DLGAP2: variants seen among roughly 807,000 people sequenced by gnomAD.
DLGAP2 encodes DLG associated protein 2, also known as disks large-associated protein 2.
DLGAP2 carries 26 observed loss-of-function variants against 100.3 expected under a neutral mutation model. The ratio of observed to expected loss-of-function variants is 0.26; its 90% confidence interval spans 0.19 to 0.36. The LOEUF (loss-of-function observed/expected upper bound fraction) is 0.36, where lower values mean the gene tolerates loss of function less well. Ranked by LOEUF, DLGAP2 falls within the 10% of genes least tolerant of loss-of-function variation. The probability of loss-of-function intolerance (pLI) is 1.00; values close to 1 mark genes in which losing one functional copy is unlikely to be tolerated. For missense variants in DLGAP2, 1,858 were observed against 1,453.2 expected, an observed-to-expected ratio of 1.28 and a Z score of -4.53; for synonymous variants, 886 against 630.1, an observed-to-expected ratio of 1.41 and a Z score of -6.08.
chr8:1,503,509 C>G (rs895567583), intron 4 of DLGAP2, among the ~76,000 whole-genome samples: 1 of 152,128 alleles, frequency 6.6e-6, no homozygotes, highest in African/African-American at 2.4e-5. Context: ...ACACTGGTTT[C>G]CATTCCTCCG....
chr8:1,649,410 G>C (rs12675163), intron 8 of DLGAP2, among the ~76,000 whole-genome samples: 80,122 of 151,948 alleles, frequency 0.53, 21,333 homozygotes, highest in South Asian at 0.65. Flanking sequence ...TGGTGTTGGG[G>C]TAAACAGAAT....
At chr8:966,870 T>G (rs1297245329) in intron 2 of DLGAP2, among the ~76,000 whole-genome samples, 2 of 152,248 alleles carry the variant, frequency 1.3e-5, no homozygotes, top group Admixed American at 1.3e-4. Context: ...AAAATATACT[T>G]CTTTTTCTCA....
intron 2 of DLGAP2, among the ~76,000 whole-genome samples, chr8:1,195,191 T>C (rs1260008161): frequency 1.3e-5 from 2 of 152,168 alleles, no homozygotes. Context: ...GTCAGGAAGG[T>C]GCCCCATGGT....
intron 2 of DLGAP2, among the ~76,000 whole-genome samples, chr8:949,827 C>G (rs2129007467): frequency 6.6e-6 from 1 of 152,290 alleles, no homozygotes; most frequent in East Asian, 1.9e-4. Flanking sequence ...CCAGAGAACA[C>G]AGGCACCCAC....
chr8:1,496,333 T>C (rs4876067), intron 3 of DLGAP2, among the ~76,000 whole-genome samples: 114,684 of 151,682 alleles, frequency 0.76, 43,726 homozygotes, highest in African/African-American at 0.84. Flanking sequence ...TGCATGGGGG[T>C]CGGAACCTGC....
At chr8:1,595,031 G>C (rs1045657379) in intron 6 of DLGAP2, among the ~76,000 whole-genome samples, 1 of 151,756 alleles carries the variant, frequency 6.6e-6, no homozygotes, top group Non-Finnish European at 1.5e-5. Flanking sequence ...AGCTCCTGGG[G>C]TTTCTTTTTT....
At chr8:957,435 C>T (rs1338224854) in intron 2 of DLGAP2, among the ~76,000 whole-genome samples, 2 of 152,224 alleles carry the variant, frequency 1.3e-5, no homozygotes, top group Non-Finnish European at 2.9e-5. Flanking sequence ...GCGTATTTTT[C>T]ACCCGTGACT....
intron 2 of DLGAP2, among the ~76,000 whole-genome samples, chr8:1,207,367 A>G (rs572877340): frequency 1.3e-5 from 2 of 152,294 alleles, no homozygotes; most frequent in East Asian, 1.9e-4. Flanking sequence ...ACTTTGAATA[A>G]TGGTCTCCAA....
At chr8:1,229,718 C>T (rs1390005892) in intron 2 of DLGAP2, among the ~76,000 whole-genome samples, 20 of 152,148 alleles carry the variant, frequency 1.3e-4, no homozygotes, top group Admixed American at 1.3e-3. Context: ...GTTCAGTGCA[C>T]ACAAATCAAT....
intron 1 of DLGAP2, among the ~76,000 whole-genome samples, chr8:755,729 C>T (rs917807960): frequency 1.2e-4 from 18 of 152,034 alleles, no homozygotes; most frequent in African/African-American, 4.1e-4. Flanking sequence ...TGGAGAGGGG[C>T]CCCATGTGTG....
chr8:923,392 T>C (rs1563097060), intron 2 of DLGAP2, among the ~76,000 whole-genome samples: 2 of 152,194 alleles, frequency 1.3e-5, no homozygotes, highest in Admixed American at 6.5e-5. Context: ...CCTTGATGGA[T>C]TGTGATGCCC....
chr8:1,276,870 G>C (rs1799708433), intron 3 of DLGAP2, among the ~76,000 whole-genome samples: 1 of 152,164 alleles, frequency 6.6e-6, no homozygotes, highest in Non-Finnish European at 1.5e-5. Flanking sequence ...ATAAAATTAA[G>C]TTTTCATGTT....
chr8:1,416,759 C>T (rs1168043451), intron 3 of DLGAP2, among the ~76,000 whole-genome samples: 1 of 152,194 alleles, frequency 6.6e-6, no homozygotes, highest in African/African-American at 2.4e-5. Flanking sequence ...GTGTTGGCTG[C>T]TTAAGAGGAG....
At chr8:912,811 C>T (rs1315705209) in intron 2 of DLGAP2, among the ~76,000 whole-genome samples, 1 of 145,562 alleles carries the variant, frequency 6.9e-6, no homozygotes, top group Non-Finnish European at 1.5e-5. Context: ...AGCCGGCTTC[C>T]CACACCACAG....
intron 2 of DLGAP2, among the ~76,000 whole-genome samples, chr8:1,005,150 A>G (rs1446108256): frequency 1.3e-5 from 2 of 152,140 alleles, no homozygotes; most frequent in Non-Finnish European, 2.9e-5. Flanking sequence ...ATCTATGTGG[A>G]GTTCCTGGCC....
intron 3 of DLGAP2, among the ~76,000 whole-genome samples, chr8:1,361,928 C>A (rs762700695): frequency 1.3e-5 from 2 of 152,206 alleles, no homozygotes; most frequent in Non-Finnish European, 2.9e-5. Flanking sequence ...CCCAGCCTGG[C>A]AGGTCTCCTG....
At chr8:1,571,337 G>A (rs1190601202) in intron 6 of DLGAP2, among the ~76,000 whole-genome samples, 1 of 141,882 alleles carries the variant, frequency 7.0e-6, no homozygotes. Flanking sequence ...AGGAGAGAGG[G>A]TGAACTGTGG....
In DLGAP2 at chr8:1,321,292, C is replaced by T. The variant is rs560777644; in HGVS notation, c.106+62409C>T. ...TGCGTGTGCGTGCATCTGTGTGTCT[C>T]TGTGTGCATCTGTGTGTCTCTGCGT... is the stretch of plus-strand genomic sequence containing the variant. On this transcript the variant is annotated intron_variant, in intron 3 of 14. Transcript: ENST00000637795. Among the ~76,000 whole-genome samples, 79 of 151,558 alleles carry T rather than the reference C, an allele frequency of 5.2e-4. No individual in the cohort carries two copies. The South Asian group carries it at 8.4e-3, about 16-fold the overall frequency.
At chr8:1,628,527 G>C (rs1199339407) in intron 7 of DLGAP2, among the ~76,000 whole-genome samples, 3 of 149,040 alleles carry the variant, frequency 2.0e-5, no homozygotes, top group African/African-American at 7.5e-5. Flanking sequence ...AGCCTGAGCT[G>C]ACCTCACATT....
Sources: gnomAD v4.1 joint callset for allele counts (sites outside exome capture counted in the v4.1 genomes callset) on GRCh38, gnomAD v4.1.1 for gene constraint, MANE v1.5 for transcripts, NCBI Gene and HGNC (gene_info 2026-07-23, HGNC 2026-07-21) for gene names.